The following SLC8A3 variants were observed in gnomAD, a reference collection of about 807,000 sequenced individuals.
The protein encoded by SLC8A3 is sodium/calcium exchanger 3.
In SLC8A3, 37 loss-of-function variants were observed where a neutral mutation model predicts 65.4. The ratio of observed to expected loss-of-function variants is 0.57; its 90% confidence interval spans 0.44 to 0.74. The LOEUF (loss-of-function observed/expected upper bound fraction) is 0.74. Among genes scored for constraint, SLC8A3 ranks in the 30% least tolerant of loss-of-function variants. SLC8A3 has a pLI of 0.00. For missense variants in SLC8A3, 1,112 were observed against 1,172.1 expected (o/e 0.95, Z 0.75); for synonymous variants, 461 against 444.5 (o/e 1.04, Z -0.47).
At chr14:70,182,534 A>C (rs1882840204) in intron 1 of SLC8A3, among the ~76,000 whole-genome samples, 1 of 139,626 alleles carries the variant, frequency 7.2e-6, no homozygotes, top group Non-Finnish European at 1.5e-5. Context: ...GCTAATGGTC[A>C]ATATTATCTG....
At position 70,092,183 on chromosome 14, in the gene SLC8A3, C is replaced by T. The variant is rs182967109; in HGVS notation, c.1785-31244G>A. Among the ~76,000 whole-genome samples the T allele has an allele frequency of 5.8e-4, 89 of 152,264 alleles. 1 individual carries two copies. The highest frequency in any genetic ancestry group is 1.0e-3 in the Non-Finnish European group (69 of 68,024). On this transcript the variant is annotated intron_variant, in intron 2 of 6. Coordinates refer to ENST00000356921, the MANE Select transcript of SLC8A3 (RefSeq NM_182932.3). The stretch of plus-strand genomic sequence containing the variant: ...GCCTCCAACACTACTGAGCTACTTG[C>T]CCTTCCCAGATCCTCATATTCTTCT...
intron 2 of SLC8A3, among the ~76,000 whole-genome samples, chr14:70,117,509 C>A (rs555859208): frequency 6.6e-6 from 1 of 152,338 alleles, no homozygotes; most frequent in East Asian, 1.9e-4. Context: ...TTCTGGGAAA[C>A]CTGACCTGCA....
chr14:70,165,613 T>C (rs1897121300), intron 2 of SLC8A3, among the ~76,000 whole-genome samples: 1 of 152,256 alleles, frequency 6.6e-6, no homozygotes, highest in Non-Finnish European at 1.5e-5. Flanking sequence ...CAAGAAAGTC[T>C]ACTTTCTCAT....
intron 2 of SLC8A3, among the ~76,000 whole-genome samples, chr14:70,086,496 G>A (rs1418540819): frequency 6.8e-6 from 1 of 147,396 alleles, no homozygotes; most frequent in Non-Finnish European, 1.5e-5. Context: ...CCGCCTCCCA[G>A]GTTCAAGTGA....
In SLC8A3 at chr14:70,060,869, C is replaced by A; in HGVS notation, c.1855G>T (p.Gly619Cys). ...ERQENFFIAL[G>C]EPKWMERGIS... ...CCACGTTCCATCCATTTCGGTTCACCAAGGGCAATGAAGAAATTCTCTTGC... is the reference window on the plus strand; with the variant it reads ...CCACGTTCCATCCATTTCGGTTCACAAAGGGCAATGAAGAAATTCTCTTGC... The change falls in exon 3 of 7, where the codon GGT becomes TGT. Residue 619 changes from glycine (G) to cysteine (C), a missense_variant. Gly to Cys is a radical substitution (Grantham distance 159). Transcript: ENST00000356921. 1 of 1,532,758 alleles carries A rather than the reference C, an allele frequency of 6.5e-7. No individual in the cohort carries two copies. Among genetic ancestry groups the A allele is most frequent in the Middle Eastern group, 1.8e-4 (1 of 5,698 alleles). 94.9% of individuals were successfully genotyped at this position (1,532,758 alleles called of 1,614,324 possible). A position where few individuals can be genotyped will look rare whatever the true frequency, so the allele number is the denominator to read the frequency against.
chr14:70,073,029 T>C (rs1221241432), intron 2 of SLC8A3, among the ~76,000 whole-genome samples: 3 of 152,118 alleles, frequency 2.0e-5, no homozygotes, highest in Non-Finnish European at 4.4e-5. Flanking sequence ...GTCATTCCTC[T>C]GCTCACCCTG....
chr14:70,065,828 G>A (rs763184257), intron 2 of SLC8A3, among the ~76,000 whole-genome samples: 68 of 152,328 alleles, frequency 4.5e-4, no homozygotes, highest in Admixed American at 9.8e-4. Flanking sequence ...TGACCCAAGG[G>A]GTGGTTGAAG....
At chr14:70,119,861 G>A (rs1893929989) in intron 2 of SLC8A3, among the ~76,000 whole-genome samples, 1 of 152,178 alleles carries the variant, frequency 6.6e-6, no homozygotes, top group African/African-American at 2.4e-5. Context: ...TACATGTGTT[G>A]GAGACCAATA....
chr14:70,150,128 G>A (rs1376663495), intron 2 of SLC8A3, among the ~76,000 whole-genome samples: 1 of 152,178 alleles, frequency 6.6e-6, no homozygotes, highest in African/African-American at 2.4e-5. Context: ...ACATGTCCAG[G>A]ATACTAATTA....
chr14:70,188,808 C>G lies in SLC8A3; in HGVS notation c.-492G>C, dbSNP rs1457265347. 2 of 152,090 alleles carry G rather than the reference C, an allele frequency of 1.3e-5. No homozygotes were observed. Among genetic ancestry groups the G allele is most frequent in the African/African-American group, 2.4e-5 (1 of 41,432 alleles). The allele number at this position is 152,090 out of a possible 1,614,324, so 9.4% of individuals were successfully genotyped here. A position where few individuals can be genotyped will look rare whatever the true frequency, so the allele number is the denominator to read the frequency against. ...AGGCAAGCAGCCCGGCGCGCCCTGG[C>G]GGCTCCGAGGGACCTGGGCTCGGGC... On this transcript the variant is annotated 5_prime_UTR_variant, in exon 1 of 7. Coordinates refer to ENST00000356921, the MANE Select transcript of SLC8A3 (RefSeq NM_182932.3).
At chr14:70,163,787 G>T (rs1472852303) in intron 2 of SLC8A3, among the ~76,000 whole-genome samples, 1 of 152,192 alleles carries the variant, frequency 6.6e-6, no homozygotes, top group Non-Finnish European at 1.5e-5. Context: ...GAACTTGTTA[G>T]AAATGCGGAA....
Position 70,045,826 on chromosome 14 carries a change from G to A in SLC8A3, c.*121C>T. ...GGGCCTAAGTTGGGTGAAGTTCCTG[G>A]GGCTTAGGTCCTGATGCTGCCTCTC... On this transcript the variant is annotated 3_prime_UTR_variant, in exon 7 of 7. Transcript: ENST00000356921. The A allele has an allele frequency of 1.0e-6, 1 of 1,002,278 alleles. No individual in the cohort carries two copies. Among genetic ancestry groups the A allele is most frequent in the Non-Finnish European group, 1.4e-6 (1 of 704,790 alleles). 62.1% of individuals were successfully genotyped at this position (1,002,278 alleles called of 1,614,324 possible).
rs533461016 is a variant in SLC8A3, at chr14:70,141,097, C to T, written c.1784+25542G>A. On this transcript the variant is annotated intron_variant, in intron 2 of 6. Transcript: ENST00000356921. ...GCGATAATAACAATAACTGATTTAT[C>T]GAGTACTTACTCTTGTCAGGCATGG... Among the ~76,000 whole-genome samples the T allele has an allele frequency of 2.5e-4, 38 of 152,316 alleles. No individual in the cohort carries two copies. The South Asian group carries it at 6.2e-3, about 25-fold the overall frequency.
intron 2 of SLC8A3, among the ~76,000 whole-genome samples, chr14:70,157,524 G>A (rs17107872): frequency 0.036 from 5,416 of 152,280 alleles, 320 homozygotes; most frequent in African/African-American, 0.12. Context: ...AGAGCTTTGT[G>A]GGTAGGAACA....
intron 2 of SLC8A3, among the ~76,000 whole-genome samples, chr14:70,081,197 T>C (rs527332639): frequency 1.3e-5 from 2 of 152,298 alleles, no homozygotes; most frequent in South Asian, 4.1e-4. Flanking sequence ...GAGAGGGTCC[T>C]AGGCAGCACT....
chr14:70,166,932 C>T lies in SLC8A3; in HGVS notation c.1491G>A (p.Gly497=), dbSNP rs150930612. 30 of 1,614,008 alleles carry T rather than the reference C, an allele frequency of 1.9e-5. No homozygotes were observed. Among genetic ancestry groups the T allele is most frequent in the Non-Finnish European group, 2.5e-5 (29 of 1,180,030 alleles). ...VRIEEEQPEE[G]MPPAIFNSLP... ...GACTGTTGAATATTGCTGGAGGCAT[C>T]CCCTCCTCTGGCTGCTCCTCCTCTA... Residue 497 remains glycine (G), a synonymous_variant, in exon 2 of 7, where the codon GGG becomes GGA. Coordinates refer to ENST00000356921, the MANE Select transcript of SLC8A3 (RefSeq NM_182932.3).
intron 3 of SLC8A3, among the ~76,000 whole-genome samples, chr14:70,057,428 A>G (rs1003490087): frequency 6.6e-6 from 1 of 152,178 alleles, no homozygotes; most frequent in Non-Finnish European, 1.5e-5. Flanking sequence ...CAGCACATAA[A>G]TGAACACAGG....
intron 2 of SLC8A3, among the ~76,000 whole-genome samples, chr14:70,079,445 G>A (rs1179446839): frequency 4.6e-5 from 7 of 151,906 alleles, no homozygotes; most frequent in East Asian, 1.9e-4. Context: ...AGAGGTTACC[G>A]TGAGCTGAGA....
chr14:70,120,053 C>T (rs1414307871), intron 2 of SLC8A3, among the ~76,000 whole-genome samples: 1 of 152,182 alleles, frequency 6.6e-6, no homozygotes, highest in Non-Finnish European at 1.5e-5. Context: ...AACCTCCCCC[C>T]TCTATTGGTT....
Sources: gnomAD v4.1 joint callset for allele counts (sites outside exome capture counted in the v4.1 genomes callset) on GRCh38, gnomAD v4.1.1 for gene constraint, MANE v1.5 for transcripts, NCBI Gene and HGNC (gene_info 2026-07-23, HGNC 2026-07-21) for gene names.